Variants in HIVEP1 observed in about 807,000 individuals in gnomAD.
HIVEP1 encodes HIVEP zinc finger 1, also known as zinc finger protein 40.
In HIVEP1, 36 loss-of-function variants were observed where a neutral mutation model predicts 180.0. The observed-to-expected ratio is 0.20, with a 90% CI of 0.15 to 0.26. The LOEUF (loss-of-function observed/expected upper bound fraction) is 0.26, where lower values mean the gene tolerates loss of function less well. Ranked by LOEUF, HIVEP1 falls within the 10% of genes least tolerant of loss-of-function variation. The probability of loss-of-function intolerance (pLI) is 1.00; values close to 1 mark genes in which losing one functional copy is unlikely to be tolerated. For synonymous variants in HIVEP1, 1,239 were observed against 1,239.0 expected, an observed-to-expected ratio of 1.00 and a Z score of 0.00; for missense variants, 3,143 against 3,268.7, an observed-to-expected ratio of 0.96 and a Z score of 0.94.
intron 2 of HIVEP1, among the ~76,000 whole-genome samples, chr6:12,021,562 A>G (rs1293509876): frequency 6.6e-6 from 1 of 152,128 alleles, no homozygotes; most frequent in Non-Finnish European, 1.5e-5. Context: ...TTACAATATT[A>G]CATCATGATC....
intron 7 of HIVEP1, among the ~76,000 whole-genome samples, chr6:12,137,042 A>G (rs1043657372): frequency 8.5e-5 from 13 of 152,348 alleles, no homozygotes; most frequent in Non-Finnish European, 1.3e-4. Context: ...GTAAAAATTC[A>G]AAGGCATTTA....
At chr6:12,146,050 G>A (rs889902872) in intron 7 of HIVEP1, among the ~76,000 whole-genome samples, 19 of 152,250 alleles carry the variant, frequency 1.2e-4, no homozygotes, top group African/African-American at 4.1e-4. Flanking sequence ...TCTGACAGGA[G>A]AAATGGGGTA....
chr6:12,139,580 A>T (rs1447049885), intron 7 of HIVEP1, among the ~76,000 whole-genome samples: 1 of 152,222 alleles, frequency 6.6e-6, no homozygotes, highest in Non-Finnish European at 1.5e-5. Context: ...TCCCTTTCCT[A>T]GCCAAGGGAC....
At chr6:12,008,447 A>G (rs1431300785), upstream of HIVEP1, 2 of 152,268 alleles carry the variant, frequency 1.3e-5, no homozygotes, top group Non-Finnish European at 2.9e-5. Context: ...TCTAGCAGGA[A>G]AGACCATACG....
chr6:12,075,167 TG>T (rs1488816746), intron 2 of HIVEP1, among the ~76,000 whole-genome samples: 2 of 152,224 alleles, frequency 1.3e-5, no homozygotes, highest in Non-Finnish European at 2.9e-5. Flanking sequence ...ATGACACAGA[TG>T]GAAGTGTACC....
At chr6:12,058,237 AG>A (rs1450230814) in intron 2 of HIVEP1, among the ~76,000 whole-genome samples, 1 of 152,138 alleles carries the variant, frequency 6.6e-6, no homozygotes, top group East Asian at 1.9e-4. Flanking sequence ...AAAAAAAAAA[AG>A]TGTAAAATTT....
At chr6:12,023,555 T>C (rs575880891) in intron 2 of HIVEP1, among the ~76,000 whole-genome samples, 1 of 152,308 alleles carries the variant, frequency 6.6e-6, no homozygotes, top group East Asian at 1.9e-4. Context: ...TTTTTGTTAA[T>C]ATGGGTGAAA....
upstream of HIVEP1, among the ~76,000 whole-genome samples, chr6:12,011,105 CAA>C (rs550938819): frequency 1.3e-5 from 2 of 152,212 alleles, no homozygotes; most frequent in South Asian, 4.1e-4. Context: ...CATCCGCCAC[CAA>C]AAAGTGGTTT....
chr6:12,183,665 G>C, the HIVEP1 span, among the ~76,000 whole-genome samples: 1 of 151,858 alleles, frequency 6.6e-6, no homozygotes, highest in African/African-American at 2.4e-5. Context: ...TTTAATTATG[G>C]GACAGTGATT....
At chr6:12,166,805 G>C (rs938894203), downstream of HIVEP1, among the ~76,000 whole-genome samples, 6 of 152,144 alleles carry the variant, frequency 3.9e-5, no homozygotes, top group Non-Finnish European at 8.8e-5. Context: ...TAGAGAACTA[G>C]GGTGCAATGA....
chr6:12,101,563 C>G (rs1305097907), intron 3 of HIVEP1, among the ~76,000 whole-genome samples: 1 of 151,714 alleles, frequency 6.6e-6, no homozygotes, highest in Non-Finnish European at 1.5e-5. Context: ...GAGGTAAGTC[C>G]TAGAGCTACT....
At position 12,163,795 on chromosome 6, in the gene HIVEP1, T is replaced by C; in HGVS notation, c.7491T>C (p.Asn2497=). The change falls in exon 9 of 9, where the codon AAT becomes AAC. Residue 2497 remains asparagine (N), a synonymous_variant. Transcript: ENST00000379388. ...SLPSLSMETV[N]IVGLANTNMA... ...CCTCGTTAAGCATGGAAACCGTCAA[T>C]ATTGTAGGCCTAGCCAATACAAATA... is the stretch of plus-strand genomic sequence containing the variant. 6.2e-7 allele frequency: 1 copy of C among 1,614,160 alleles called. No homozygotes were observed. Among genetic ancestry groups the C allele is most frequent in the African/African-American group, 1.3e-5 (1 of 75,044 alleles).
At chr6:12,056,655 A>G (rs911039848) in intron 2 of HIVEP1, among the ~76,000 whole-genome samples, 5 of 152,136 alleles carry the variant, frequency 3.3e-5, no homozygotes, top group African/African-American at 9.7e-5. Context: ...ATTTTATTAC[A>G]TTGTCCAGGA....
At chr6:12,016,514 TAAATTAATTTGAAATGTTTTTTGGTA>T (rs1767759288) in intron 2 of HIVEP1, among the ~76,000 whole-genome samples, 2 of 152,192 alleles carry the variant, frequency 1.3e-5, no homozygotes, top group African/African-American at 4.8e-5. Flanking sequence ...AAAAATCAAA[TAAATTAATTTGAAATGTTTTTTGGTA>T]AAATCAATTT....
chr6:12,152,545 C>G (rs933354399), intron 7 of HIVEP1, among the ~76,000 whole-genome samples: 3 of 152,232 alleles, frequency 2.0e-5, no homozygotes, highest in Non-Finnish European at 4.4e-5. Flanking sequence ...GTCTTCTGTT[C>G]ATTTAAGCTA....
the HIVEP1 span, among the ~76,000 whole-genome samples, chr6:12,193,836 G>T: frequency 4.6e-3 from 706 of 152,254 alleles, 3 homozygotes; most frequent in African/African-American, 0.016. Flanking sequence ...TGCATAATAC[G>T]ACAAATACTA....
At chr6:12,110,998 A>G (rs1038397514) in intron 3 of HIVEP1, among the ~76,000 whole-genome samples, 2 of 152,258 alleles carry the variant, frequency 1.3e-5, no homozygotes, top group Non-Finnish European at 2.9e-5. Flanking sequence ...GGCAGGTCCA[A>G]GGAGAGGCAG....
At chr6:12,182,362 G>A in the HIVEP1 span, among the ~76,000 whole-genome samples, 2 of 152,116 alleles carry the variant, frequency 1.3e-5, no homozygotes, top group African/African-American at 4.8e-5. Flanking sequence ...CTCAGAAATT[G>A]CTTCTTCCTG....
intron 3 of HIVEP1, among the ~76,000 whole-genome samples, chr6:12,112,690 C>A (rs556056757): frequency 2.6e-4 from 40 of 152,218 alleles, no homozygotes; most frequent in Non-Finnish European, 4.7e-4. Context: ...CTCCTCACCG[C>A]CCCCCTAGCA....
Sources: gnomAD v4.1 joint callset for allele counts (sites outside exome capture counted in the v4.1 genomes callset) on GRCh38, gnomAD v4.1.1 for gene constraint, MANE v1.5 for transcripts, NCBI Gene and HGNC (gene_info 2026-07-23, HGNC 2026-07-21) for gene names.